The following DOCK2 variants were observed in gnomAD, a reference collection of about 807,000 sequenced individuals.
The protein encoded by DOCK2 is dedicator of cytokinesis 2.
In DOCK2, 87 loss-of-function variants were observed where a neutral mutation model predicts 248.9. The ratio of observed to expected loss-of-function variants is 0.35; its 90% CI spans 0.29 to 0.42. DOCK2 has a LOEUF of 0.42. Ranked by LOEUF, DOCK2 falls within the 10% of genes least tolerant of loss-of-function variation. The pLI, the probability that DOCK2 is intolerant of heterozygous loss-of-function variation, is 1.00. For missense variants in DOCK2, 1,747 were observed against 2,300.2 expected (o/e 0.76, Z 4.92); for synonymous variants, 805 against 821.6 (o/e 0.98, Z 0.35).
chr5:169,996,289 C>A, intron 30 of DOCK2, 125 bp downstream of exon 30: 1 of 953,762 alleles, frequency 1.0e-6, no homozygotes, highest in Non-Finnish European at 1.5e-6. Flanking sequence ...CAGGGATTCC[C>A]ACGGGGGGTT....
chr5:170,013,748 T>C (rs1488254842), intron 32 of DOCK2, among the ~76,000 whole-genome samples: 1 of 152,152 alleles, frequency 6.6e-6, no homozygotes, highest in Non-Finnish European at 1.5e-5. Context: ...TGTACTGTTT[T>C]AATTTACTAA....
At position 169,712,150 on chromosome 5, in the gene DOCK2, T is replaced by C. The variant is rs1761624933; in HGVS notation, c.1586T>C (p.Met529Thr). The stretch of plus-strand genomic sequence containing the variant: ...GATAAAGGAGAAAAGAACTTTGCCA[T>C]GTCCTATGTGAAGCTGATGAAAGAA... ...SKDKGEKNFA[M>T]SYVKLMKEDG... The change falls in exon 17 of 52, where the codon ATG (methionine) becomes ACG (threonine). Residue 529 changes from methionine (M) to threonine (T), a missense_variant. Physicochemically the swap from Met to Thr is moderately conservative, Grantham distance 81. Transcript: ENST00000520908. 1 of 1,613,994 alleles carries C rather than the reference T, an allele frequency of 6.2e-7. No individual in the cohort carries two copies. The highest frequency in any genetic ancestry group is 1.3e-5 in the African/African-American group (1 of 74,928).
intron 27 of DOCK2, among the ~76,000 whole-genome samples, chr5:169,900,014 C>T (rs1016898559): frequency 3.3e-5 from 5 of 152,290 alleles, no homozygotes; most frequent in Non-Finnish European, 5.9e-5. Context: ...CTCCAGCACT[C>T]GAAACCACAA....
At chr5:170,056,956 C>G in intron 43 of DOCK2, 188 bp downstream of exon 43, 1 of 592,600 alleles carries the variant, frequency 1.7e-6, no homozygotes, top group Non-Finnish European at 3.0e-6. Flanking sequence ...TTTCTTGAGC[C>G]TTTTTCCCCT....
intron 8 of DOCK2, among the ~76,000 whole-genome samples, chr5:169,685,914 T>G (rs1386693317): frequency 6.6e-6 from 1 of 152,262 alleles, no homozygotes; most frequent in African/African-American, 2.4e-5. Context: ...ATTTCCCACG[T>G]AAGTCTGTCA....
intron 32 of DOCK2, among the ~76,000 whole-genome samples, chr5:170,017,813 TG>T (rs1755586322): frequency 6.6e-6 from 1 of 152,242 alleles, no homozygotes; most frequent in South Asian, 2.1e-4. Flanking sequence ...CCTTAACCAC[TG>T]GGCAACACTG....
At chr5:169,724,546 C>G (rs1762370059) in intron 22 of DOCK2, among the ~76,000 whole-genome samples, 1 of 151,990 alleles carries the variant, frequency 6.6e-6, no homozygotes, top group African/African-American at 2.4e-5. Flanking sequence ...GCCGAGAAAG[C>G]CTGCCCTGGT....
At chr5:169,702,017 A>C (rs1444340775) in intron 13 of DOCK2, 2 of 293,594 alleles carry the variant, frequency 6.8e-6, no homozygotes, top group Non-Finnish European at 1.3e-5. Flanking sequence ...AGGTGTCACT[A>C]GAGGATGAAA....
chr5:169,983,404 C>T (rs941453702), intron 28 of DOCK2, among the ~76,000 whole-genome samples: 22 of 152,264 alleles, frequency 1.4e-4, no homozygotes, highest in East Asian at 1.4e-3. Flanking sequence ...CAGGTGAATC[C>T]TTTTATGCCT....
At chr5:169,676,963 C>A (rs1759366698) in intron 6 of DOCK2, among the ~76,000 whole-genome samples, 1 of 152,164 alleles carries the variant, frequency 6.6e-6, no homozygotes, top group African/African-American at 2.4e-5. Context: ...CCATTTAAAG[C>A]ACTTTCCATA....
chr5:170,081,632 T>C, intron 50 of DOCK2: 1 of 597,246 alleles, frequency 1.7e-6, no homozygotes, highest in South Asian at 2.2e-5. Flanking sequence ...TGAACCCTTG[T>C]CTGTAGGGTG....
At chr5:170,038,286 C>T (rs578028792) in intron 36 of DOCK2, among the ~76,000 whole-genome samples, 9 of 152,302 alleles carry the variant, frequency 5.9e-5, no homozygotes, top group Admixed American at 1.3e-4. Flanking sequence ...CTCCCCTTCT[C>T]ATTTTAGAAA....
At chr5:169,915,854 T>C (rs1774846530) in intron 27 of DOCK2, among the ~76,000 whole-genome samples, 2 of 152,190 alleles carry the variant, frequency 1.3e-5, no homozygotes, top group African/African-American at 2.4e-5. Flanking sequence ...GATTGATGAC[T>C]TGGGATTTGA....
intron 29 of DOCK2, among the ~76,000 whole-genome samples, chr5:169,994,377 G>A (rs551338747): frequency 1.3e-5 from 2 of 152,306 alleles, no homozygotes; most frequent in Admixed American, 6.5e-5. Flanking sequence ...TGTTGGGAAA[G>A]GGGGTTGCAA....
intron 23 of DOCK2, among the ~76,000 whole-genome samples, chr5:169,748,951 G>A (rs150396158): frequency 2.9e-3 from 443 of 152,274 alleles, no homozygotes; most frequent in Middle Eastern, 6.8e-3. Context: ...AAGCTGAAAC[G>A]ATGTGCCTAA....
At chr5:169,935,362 C>T (rs930838592) in intron 27 of DOCK2, among the ~76,000 whole-genome samples, 4 of 151,984 alleles carry the variant, frequency 2.6e-5, no homozygotes, top group African/African-American at 7.3e-5. Context: ...CCCTTCTGCT[C>T]CCATGGAACC....
chr5:170,001,572 C>A (rs1015881964), intron 30 of DOCK2, among the ~76,000 whole-genome samples: 1 of 152,188 alleles, frequency 6.6e-6, no homozygotes, highest in African/African-American at 2.4e-5. Flanking sequence ...GTTTCCTGAT[C>A]TCTAAAATGG....
intron 27 of DOCK2, among the ~76,000 whole-genome samples, chr5:169,960,940 T>G (rs1222094624): frequency 6.6e-6 from 1 of 152,232 alleles, no homozygotes; most frequent in Non-Finnish European, 1.5e-5. Flanking sequence ...GTATAGGCTA[T>G]GAACTGAATA....
chr5:169,771,293 C>G (rs914198329), intron 25 of DOCK2, among the ~76,000 whole-genome samples: 6 of 151,646 alleles, frequency 4.0e-5, no homozygotes, highest in African/African-American at 1.5e-4. Context: ...TTTCTTTTTT[C>G]TTTTTGAGAC....
Sources: gnomAD v4.1 joint callset for allele counts (sites outside exome capture counted in the v4.1 genomes callset) on GRCh38, gnomAD v4.1.1 for gene constraint, MANE v1.5 for transcripts, NCBI Gene and HGNC (gene_info 2026-07-23, HGNC 2026-07-21) for gene names.